The following EPSTI1 variants were observed in gnomAD, a reference collection of about 807,000 sequenced individuals.
EPSTI1 encodes epithelial stromal interaction 1.
Under a neutral mutation model 49.9 loss-of-function variants are expected in EPSTI1, and 66 were observed. The observed-to-expected ratio is 1.32, with a 90% CI of 1.08 to 1.62. The LOEUF is 1.62. EPSTI1 is among the 40% of genes most tolerant of loss of function. EPSTI1 has a pLI of 0.00. For synonymous variants in EPSTI1, 137 were observed against 130.7 expected (o/e 1.05, Z -0.33); for missense variants, 394 against 365.5 (o/e 1.08, Z -0.64).
intron 5 of EPSTI1, among the ~76,000 whole-genome samples, chr13:42,958,355 AGAG>A (rs2153429905): frequency 6.6e-6 from 1 of 152,330 alleles, no homozygotes; most frequent in South Asian, 2.1e-4. Context: ...TGCTTGGGAC[AGAG>A]GAGTTGAAAG....
chr13:42,902,326 T>G (rs1489156840), intron 8 of EPSTI1, among the ~76,000 whole-genome samples: 1 of 152,132 alleles, frequency 6.6e-6, no homozygotes, highest in Non-Finnish European at 1.5e-5. Flanking sequence ...TGTTTTCAAC[T>G]CTAGGCTTCA....
chr13:42,902,292 A>T (rs1251999852), intron 8 of EPSTI1, among the ~76,000 whole-genome samples: 1 of 151,554 alleles, frequency 6.6e-6, no homozygotes, highest in Non-Finnish European at 1.5e-5. Context: ...GTAGCTCCTC[A>T]TTCAAGTTTC....
At chr13:42,967,841 C>A (rs1379896398) in intron 3 of EPSTI1, among the ~76,000 whole-genome samples, 1 of 152,198 alleles carries the variant, frequency 6.6e-6, no homozygotes, top group Non-Finnish European at 1.5e-5. Context: ...CCCCTTCAAT[C>A]CCAGAAAGGT....
intron 6 of EPSTI1, among the ~76,000 whole-genome samples, chr13:42,945,534 G>A (rs764196543): frequency 5.3e-5 from 8 of 152,234 alleles, no homozygotes; most frequent in Non-Finnish European, 1.0e-4. Flanking sequence ...ATAGGCAGTA[G>A]GAATAGGAGA....
intron 1 of EPSTI1, among the ~76,000 whole-genome samples, chr13:42,978,562 T>C (rs556498979): frequency 6.6e-6 from 1 of 152,320 alleles, no homozygotes; most frequent in South Asian, 2.1e-4. Flanking sequence ...GCTTAGTGAT[T>C]TGGGGACCCC....
At chr13:42,916,585 G>A (rs2037838041) in intron 8 of EPSTI1, among the ~76,000 whole-genome samples, 1 of 152,146 alleles carries the variant, frequency 6.6e-6, no homozygotes, top group African/African-American at 2.4e-5. Context: ...CCTTGTTGGG[G>A]AAAGACAAAG....
chr13:42,984,516 A>G (rs755620684), intron 1 of EPSTI1, among the ~76,000 whole-genome samples: 12 of 152,266 alleles, frequency 7.9e-5, no homozygotes, highest in Non-Finnish European at 1.5e-4. Context: ...ATAAGAAACC[A>G]TACTTCAGGA....
At chr13:42,897,763 G>A (rs963607153) in intron 9 of EPSTI1, among the ~76,000 whole-genome samples, 1 of 152,232 alleles carries the variant, frequency 6.6e-6, no homozygotes, top group Non-Finnish European at 1.5e-5. Flanking sequence ...AGCAGTGTGA[G>A]TCAACCAGAG....
At chr13:42,959,254 C>T (rs893477622) in intron 5 of EPSTI1, among the ~76,000 whole-genome samples, 64 of 152,136 alleles carry the variant, frequency 4.2e-4, no homozygotes, top group Admixed American at 3.3e-4. Flanking sequence ...CTAACATTAC[C>T]ACATTATGGG....
At chr13:42,914,020 T>C (rs1318823714) in intron 8 of EPSTI1, among the ~76,000 whole-genome samples, 1 of 152,214 alleles carries the variant, frequency 6.6e-6, no homozygotes, top group Non-Finnish European at 1.5e-5. Context: ...ACCACGATTC[T>C]AAGTTTCCTG....
rs913435058 is a variant in EPSTI1 at position 42,887,239 on chromosome 13, A to T, written c.*1255T>A. Reference sequence around the variant, plus strand: ...GAGGGAAACCAAGAATATCCACATTATTTACTCCAGAGAAACTTCCTGACA... The same window carrying T: ...GAGGGAAACCAAGAATATCCACATTTTTTACTCCAGAGAAACTTCCTGACA... On this transcript the variant is annotated 3_prime_UTR_variant, in exon 11 of 11. Coordinates refer to ENST00000313624, the MANE Select transcript of EPSTI1 (RefSeq NM_033255.5). The T allele has an allele frequency of 6.6e-6, 1 of 152,174 alleles. No homozygotes were observed. Among genetic ancestry groups the T allele is most frequent in the Non-Finnish European group, 1.5e-5 (1 of 68,052 alleles). The allele number at this position is 152,174 out of a possible 1,614,324, so 9.4% of individuals were successfully genotyped here.
At chr13:42,957,686 A>G (rs779855430) in intron 5 of EPSTI1, among the ~76,000 whole-genome samples, 18 of 152,134 alleles carry the variant, frequency 1.2e-4, no homozygotes, top group Non-Finnish European at 2.1e-4. Context: ...AGTGATCCTC[A>G]TGCCTCAGCC....
intron 5 of EPSTI1, among the ~76,000 whole-genome samples, chr13:42,957,815 T>C (rs933787402): frequency 3.9e-5 from 6 of 152,218 alleles, no homozygotes; most frequent in African/African-American, 1.4e-4. Context: ...GATCAAGCAA[T>C]TGGCCCGCCT....
intron 1 of EPSTI1, among the ~76,000 whole-genome samples, chr13:42,988,730 CAAAAA>C (rs66847581): frequency 1.9e-5 from 2 of 105,694 alleles, no homozygotes; most frequent in African/African-American, 4.0e-5. Flanking sequence ...GACTCTGTCT[CAAAAA>C]AAAAAAAAAA....
chr13:42,983,563 CAAAAAAAAAAA>C (rs56259281), intron 1 of EPSTI1, among the ~76,000 whole-genome samples: 3 of 95,498 alleles, frequency 3.1e-5, no homozygotes, highest in Admixed American at 1.2e-4. Flanking sequence ...GACTCCATCT[CAAAAAAAAAAA>C]AAAAAAAAAA....
chr13:42,977,806 G>A (rs914579500), intron 1 of EPSTI1, among the ~76,000 whole-genome samples: 3 of 152,206 alleles, frequency 2.0e-5, no homozygotes, highest in Non-Finnish European at 4.4e-5. Flanking sequence ...CACTTCATAG[G>A]ATATAAAGTG....
chr13:42,924,518 G>A (rs1172054375), intron 7 of EPSTI1, among the ~76,000 whole-genome samples: 4 of 152,156 alleles, frequency 2.6e-5, no homozygotes, highest in African/African-American at 7.2e-5. Context: ...GCCCTCGAAC[G>A]GAAAGGAAGA....
chr13:42,928,872 T>C (rs2038271469), intron 6 of EPSTI1, among the ~76,000 whole-genome samples: 1 of 152,112 alleles, frequency 6.6e-6, no homozygotes, highest in Non-Finnish European at 1.5e-5. Context: ...ATTAGAAAAT[T>C]CCCATGCATG....
intron 5 of EPSTI1, among the ~76,000 whole-genome samples, chr13:42,960,880 T>C (rs2039427608): frequency 6.6e-6 from 1 of 152,196 alleles, no homozygotes; most frequent in African/African-American, 2.4e-5. Flanking sequence ...TCTGTGATTA[T>C]ATTGGGCACC....
Sources: gnomAD v4.1 joint callset for allele counts (sites outside exome capture counted in the v4.1 genomes callset) on GRCh38, gnomAD v4.1.1 for gene constraint, MANE v1.5 for transcripts, NCBI Gene and HGNC (gene_info 2026-07-23, HGNC 2026-07-21) for gene names.